The following LOC400499 variants were observed in gnomAD, a reference collection of about 807,000 sequenced individuals.
chr16:11,464,394 T>G, the LOC400499 span, among the ~76,000 whole-genome samples: 10 of 152,208 alleles, frequency 6.6e-5, no homozygotes, highest in Non-Finnish European at 1.2e-4. Flanking sequence ...AACACAGAAT[T>G]TCTCACCCAA....
chr16:11,507,031 T>G, the LOC400499 span, among the ~76,000 whole-genome samples: 2 of 152,196 alleles, frequency 1.3e-5, no homozygotes, highest in African/African-American at 2.4e-5. Context: ...AGCCGCACAG[T>G]GCCCTCTGGG....
chr16:11,518,380 G>T, the LOC400499 span, among the ~76,000 whole-genome samples: 1 of 152,138 alleles, frequency 6.6e-6, no homozygotes, highest in African/African-American at 2.4e-5. Context: ...AAGCCACAGG[G>T]AGAATCCCAG....
the LOC400499 span, among the ~76,000 whole-genome samples, chr16:11,515,226 A>T: frequency 2.7e-3 from 412 of 152,040 alleles, 4 homozygotes; most frequent in African/African-American, 9.7e-3. Context: ...CAGGAGGATC[A>T]CTTGAGCTCA....
the LOC400499 span, among the ~76,000 whole-genome samples, chr16:11,522,332 G>C: frequency 6.6e-6 from 1 of 152,230 alleles, no homozygotes; most frequent in South Asian, 2.1e-4. Context: ...GTACTAGCCA[G>C]TGTCATCATG....
At chr16:11,387,981 G>C in the LOC400499 span, among the ~76,000 whole-genome samples, 1 of 152,172 alleles carries the variant, frequency 6.6e-6, no homozygotes, top group African/African-American at 2.4e-5. Context: ...TCAGGATCTA[G>C]AGTAGGAGTC....
chr16:11,481,528 G>A, the LOC400499 span, among the ~76,000 whole-genome samples: 1 of 152,150 alleles, frequency 6.6e-6, no homozygotes. Flanking sequence ...TCACCATGAT[G>A]GCCAGGCTGG....
At chr16:11,436,856 A>G in the LOC400499 span, among the ~76,000 whole-genome samples, 1 of 152,168 alleles carries the variant, frequency 6.6e-6, no homozygotes, top group Non-Finnish European at 1.5e-5. Flanking sequence ...GACCTCCCAA[A>G]GTGCTGGGAT....
At chr16:11,496,037 G>A in the LOC400499 span, among the ~76,000 whole-genome samples, 1 of 151,824 alleles carries the variant, frequency 6.6e-6, no homozygotes, top group African/African-American at 2.4e-5. Context: ...TGGCAGCTGT[G>A]GAGAAATAAA....
the LOC400499 span, chr16:11,411,416 C>T: frequency 2.5e-6 from 1 of 398,430 alleles, no homozygotes; most frequent in African/African-American, 2.1e-5. Context: ...AGGGGACTTC[C>T]CCGAGAGAGA....
chr16:11,513,456 G>A, the LOC400499 span, among the ~76,000 whole-genome samples: 1 of 151,162 alleles, frequency 6.6e-6, no homozygotes, highest in African/African-American at 2.4e-5. Context: ...TATTGAGATG[G>A]AGTCTTACTC....
chr16:11,443,619 A>G, the LOC400499 span, among the ~76,000 whole-genome samples: 1 of 152,024 alleles, frequency 6.6e-6, no homozygotes, highest in African/African-American at 2.4e-5. Flanking sequence ...GAAGACCCGG[A>G]TGGGGTTCTA....
chr16:11,468,125 A>T, the LOC400499 span, among the ~76,000 whole-genome samples: 2 of 121,490 alleles, frequency 1.6e-5, no homozygotes, highest in East Asian at 3.9e-4. Context: ...CAACAATAAC[A>T]ACAAAAAACA....
chr16:11,521,949 C>T, the LOC400499 span: 3 of 399,144 alleles, frequency 7.5e-6, no homozygotes, highest in African/African-American at 2.1e-5. Context: ...CAAAGACACT[C>T]ACCCATAAAG....
chr16:11,522,542 G>C, the LOC400499 span, among the ~76,000 whole-genome samples: 105 of 152,202 alleles, frequency 6.9e-4, no homozygotes, highest in African/African-American at 2.3e-3. Flanking sequence ...AATGTCCCCA[G>C]GGGAGGGAGG....
the LOC400499 span, among the ~76,000 whole-genome samples, chr16:11,411,625 T>A: frequency 6.6e-6 from 1 of 152,104 alleles, no homozygotes; most frequent in African/African-American, 2.4e-5. Flanking sequence ...CAGCTTCCCC[T>A]GAGCCTCAGT....
the LOC400499 span, chr16:11,398,453 G>T: frequency 8.1e-7 from 1 of 1,232,284 alleles, no homozygotes; most frequent in Non-Finnish European, 1.0e-6. Flanking sequence ...AGGCCCCGAG[G>T]ACGTGCTCCA....
chr16:11,444,566 C>T, the LOC400499 span, among the ~76,000 whole-genome samples: 1 of 152,212 alleles, frequency 6.6e-6, no homozygotes, highest in Admixed American at 6.5e-5. Context: ...AAGACCTGAA[C>T]CATGTGGCCC....
the LOC400499 span, chr16:11,424,193 A>T: frequency 2.5e-6 from 1 of 399,386 alleles, no homozygotes; most frequent in Non-Finnish European, 4.4e-6. Context: ...GGAGGCTGGC[A>T]TGGAGCTGGA....
the LOC400499 span, among the ~76,000 whole-genome samples, chr16:11,437,278 G>A: frequency 6.6e-6 from 1 of 152,202 alleles, no homozygotes; most frequent in Non-Finnish European, 1.5e-5. Flanking sequence ...TCCACAGGCT[G>A]GCAGGGCACG....
Sources: gnomAD v4.1 joint callset for allele counts (sites outside exome capture counted in the v4.1 genomes callset) on GRCh38, gnomAD v4.1.1 for gene constraint, MANE v1.5 for transcripts.